Variants in RFX4 observed in about 807,000 individuals in gnomAD.
RFX4 encodes the protein regulatory factor X4.
Under a neutral mutation model 95.0 loss-of-function variants are expected in RFX4, and 10 were observed. That is an observed-to-expected ratio of 0.11 (90% confidence interval 0.06 to 0.18). RFX4 has a LOEUF of 0.18. RFX4 is among the 10% of genes least tolerant of loss of function. The probability of loss-of-function intolerance (pLI) is 1.00; values close to 1 mark genes in which losing one functional copy is unlikely to be tolerated. For missense variants in RFX4, 640 were observed against 922.0 expected (o/e 0.69, Z 3.96); for synonymous variants, 321 against 340.7 (o/e 0.94, Z 0.64).
At chr12:106,738,909 G>GT (rs2042758639) in intron 15 of RFX4, among the ~76,000 whole-genome samples, 1 of 152,154 alleles carries the variant, frequency 6.6e-6, no homozygotes, top group Non-Finnish European at 1.5e-5. Flanking sequence ...GAACAATAGT[G>GT]TAAATTGTAA....
intron 8 of RFX4, among the ~76,000 whole-genome samples, chr12:106,702,120 T>G (rs2042003918): frequency 6.6e-6 from 1 of 152,212 alleles, no homozygotes; most frequent in South Asian, 2.1e-4. Context: ...ATTAGAGCTT[T>G]TAACATAGTA....
At chr12:106,583,532 C>T (rs1302857426) in intron 1 of RFX4, 169 bp downstream of exon 1, 1 of 553,696 alleles carries the variant, frequency 1.8e-6, no homozygotes, top group Non-Finnish European at 3.0e-6. Flanking sequence ...ATGTGTGTAA[C>T]TGGATGCGTG....
chr12:106,680,572 C>A (rs1434726173), intron 4 of RFX4, among the ~76,000 whole-genome samples: 1 of 152,136 alleles, frequency 6.6e-6, no homozygotes, highest in Non-Finnish European at 1.5e-5. Context: ...AGAGATTCAT[C>A]CCCATCCCTA....
At chr12:106,719,349 G>A (rs1358050929) in intron 11 of RFX4, among the ~76,000 whole-genome samples, 1 of 152,168 alleles carries the variant, frequency 6.6e-6, no homozygotes, top group Admixed American at 6.6e-5. Context: ...ATTATCACAT[G>A]TGCCCTACCC....
Position 106,669,839 on chromosome 12 carries a change from G to GGGGT in RFX4, c.316-12153_316-12152insGGTG, listed in dbSNP as rs1299312419. ...GATTTCACACCAGGTTTTTTCTAGG[G>GGGGT]GTGTGTGTGTGTGTGTGTGTGTGTG... On this transcript the variant is annotated intron_variant, in intron 4 of 17. Transcript: ENST00000392842. 9.1e-5 allele frequency among the ~76,000 whole-genome samples: 13 copies of GGGGT among 143,256 alleles called. No homozygotes were observed. In the East Asian group the frequency reaches 1.0e-3, roughly 11 times the overall value. 94.0% of individuals were successfully genotyped at this position (143,256 alleles called of 152,430 possible).
chr12:106,715,119 G>T (rs2042262894), intron 10 of RFX4: 1 of 299,846 alleles, frequency 3.3e-6, no homozygotes, highest in Non-Finnish European at 6.4e-6. Context: ...ATGGGGTCAA[G>T]ACCAAAGGGA....
At position 106,750,644 on chromosome 12, in the gene RFX4, A is replaced by G. The variant is rs375315079; in HGVS notation, c.1797-11A>G. 1 of 1,593,466 alleles carries G rather than the reference A, an allele frequency of 6.3e-7. No homozygotes were observed. Among genetic ancestry groups the G allele is most frequent in the Non-Finnish European group, 8.5e-7 (1 of 1,170,796 alleles). ...TTACTCACACTATTCAATGTGCTTG[A>G]TGCATTTTAGATACACGGGAAGCTA... On this transcript the variant is annotated splice_polypyrimidine_tract_variant and intron_variant, in intron 16 of 17. Coordinates refer to ENST00000392842, the MANE Select transcript of RFX4 (RefSeq NM_213594.3).
At chr12:106,590,192 T>C (rs2039517732) in intron 1 of RFX4, among the ~76,000 whole-genome samples, 1 of 152,234 alleles carries the variant, frequency 6.6e-6, no homozygotes, top group Non-Finnish European at 1.5e-5. Flanking sequence ...GAGCATTTGG[T>C]CTGGAAGCTT....
At chr12:106,732,625 G>A (rs1049555749) in intron 14 of RFX4, among the ~76,000 whole-genome samples, 1 of 152,092 alleles carries the variant, frequency 6.6e-6, no homozygotes, top group Admixed American at 6.5e-5. Context: ...ACTTGAACCC[G>A]GGAGGCAGAG....
intron 17 of RFX4, among the ~76,000 whole-genome samples, chr12:106,752,239 G>T (rs796874710): frequency 6.0e-5 from 9 of 150,538 alleles, no homozygotes; most frequent in African/African-American, 2.2e-4. Flanking sequence ...TCAAAGATCA[G>T]ATAGTTGTAG....
intron 17 of RFX4, among the ~76,000 whole-genome samples, chr12:106,751,784 G>T (rs1221926564): frequency 6.6e-6 from 1 of 152,124 alleles, no homozygotes; most frequent in African/African-American, 2.4e-5. Flanking sequence ...TGATGGGGTT[G>T]TTCGTTTTTT....
In RFX4 at chr12:106,762,548, T is replaced by C. The variant is rs545094826; in HGVS notation, c.*1079T>C. On this transcript the variant is annotated 3_prime_UTR_variant, in exon 18 of 18. Coordinates refer to ENST00000392842, the MANE Select transcript of RFX4 (RefSeq NM_213594.3). Reference sequence around the variant, plus strand: ...GTCAGATTTGTAGTAATTTGTGAGGTTTGTTAGAGATTAATATAGGTTTTC... The same window carrying C: ...GTCAGATTTGTAGTAATTTGTGAGGCTTGTTAGAGATTAATATAGGTTTTC... 24 of 152,592 alleles carry C rather than the reference T, an allele frequency of 1.6e-4. 1 individual carries two copies. Among genetic ancestry groups the C allele is most frequent in the African/African-American group, 5.5e-4 (23 of 41,512 alleles). The allele number at this position is 152,592 out of a possible 1,614,324, so 9.5% of individuals were successfully genotyped here. A position where few individuals can be genotyped will look rare whatever the true frequency, so the allele number is the denominator to read the frequency against.
intron 13 of RFX4, among the ~76,000 whole-genome samples, chr12:106,726,246 TAAA>T (rs550366505): frequency 1.8e-5 from 2 of 108,134 alleles, no homozygotes; most frequent in Admixed American, 1.0e-4. Flanking sequence ...AGACTCCATC[TAAA>T]AAAAAAAAAA....
intron 4 of RFX4, among the ~76,000 whole-genome samples, chr12:106,678,005 A>G (rs2041429735): frequency 6.6e-6 from 1 of 152,234 alleles, no homozygotes. Flanking sequence ...AACTGCATGT[A>G]TTGATCTATA....
chr12:106,602,309 G>T (rs1365734190), intron 1 of RFX4, among the ~76,000 whole-genome samples: 1 of 152,226 alleles, frequency 6.6e-6, no homozygotes, highest in Admixed American at 6.5e-5. Context: ...TCAGCCGTGA[G>T]TTCCTGGTGG....
chr12:106,724,541 T>C (rs2042454105), intron 13 of RFX4, among the ~76,000 whole-genome samples: 1 of 152,206 alleles, frequency 6.6e-6, no homozygotes, highest in Non-Finnish European at 1.5e-5. Context: ...AGAATAATTA[T>C]TAGACTGTCA....
intron 2 of RFX4, among the ~76,000 whole-genome samples, chr12:106,620,798 A>T (rs1181555507): frequency 6.6e-6 from 1 of 152,030 alleles, no homozygotes; most frequent in African/African-American, 2.4e-5. Flanking sequence ...TCTCAACCAC[A>T]TAAGACAGAC....
At chr12:106,618,647 C>T (rs10778496) in intron 2 of RFX4, among the ~76,000 whole-genome samples, 48,915 of 151,702 alleles carry the variant, frequency 0.32, 8,500 homozygotes, top group African/African-American at 0.46. Flanking sequence ...AATCTTACTA[C>T]ATTTAGTTTA....
intron 4 of RFX4, among the ~76,000 whole-genome samples, chr12:106,666,992 G>T (rs927663400): frequency 6.6e-6 from 1 of 152,086 alleles, no homozygotes; most frequent in Non-Finnish European, 1.5e-5. Flanking sequence ...GGTAAAAAAG[G>T]AATTGCTGTA....
Sources: allele counts gnomAD v4.1 joint callset (sites outside exome capture counted in the v4.1 genomes callset), GRCh38; gene constraint gnomAD v4.1.1; transcripts MANE v1.5; gene names NCBI Gene and HGNC (gene_info 2026-07-23, HGNC 2026-07-21).